CNOT6L: variants seen among roughly 807,000 people sequenced by gnomAD.
CNOT6L encodes the protein CCR4-NOT transcription complex subunit 6 like.
CNOT6L carries 7 observed loss-of-function variants against 64.0 expected under a neutral mutation model. That is an observed-to-expected ratio of 0.11 (90% CI 0.06 to 0.21). The LOEUF is 0.21. CNOT6L is among the 10% of genes least tolerant of loss of function. The pLI, the probability that CNOT6L is intolerant of heterozygous loss-of-function variation, is 1.00. For missense variants in CNOT6L, 245 were observed against 669.0 expected (o/e 0.37, Z 6.99); for synonymous variants, 193 against 243.4 (o/e 0.79, Z 1.93).
At chr4:77,778,823 T>TTACAAGGTCAGGAGA (rs1180325142) in intron 1 of CNOT6L, among the ~76,000 whole-genome samples, 2 of 150,966 alleles carry the variant, frequency 1.3e-5, no homozygotes, top group East Asian at 4.0e-4. Context: ...GGCGGGCTGA[T>TTACAAGGTCAGGAGA]TACAAGGTCA....
chr4:77,789,794 T>A (rs1436373602), intron 1 of CNOT6L, among the ~76,000 whole-genome samples: 1 of 151,636 alleles, frequency 6.6e-6, no homozygotes, highest in East Asian at 1.9e-4. Context: ...CTACAAAAAA[T>A]ACAAAAATTA....
chr4:77,761,110 C>T (rs1246097873), intron 4 of CNOT6L, among the ~76,000 whole-genome samples: 2 of 151,802 alleles, frequency 1.3e-5, no homozygotes, highest in African/African-American at 2.4e-5. Context: ...TACCAAAGCT[C>T]ACTCAAAATG....
Position 77,773,120 on chromosome 4 carries a change from G to T in CNOT6L, c.361C>A (p.Leu121Ile). 1 of 1,599,118 alleles carries T rather than the reference G, an allele frequency of 6.3e-7. No individual in the cohort carries two copies. Among genetic ancestry groups the T allele is most frequent in the Non-Finnish European group, 8.5e-7 (1 of 1,175,644 alleles). ...GTTTGTAGCTGGAAGAGCCGACCAA[G>T]TTCATAAGGCAAAACCCGTAACAGA... is the stretch of plus-strand genomic sequence containing the variant. ...NNLLRVLPYELGRLFQLQTLG... is the reference protein window; with the variant it reads ...NNLLRVLPYEIGRLFQLQTLG... The change falls in exon 4 of 12, where the codon CTT becomes ATT. Residue 121 changes from leucine (L) to isoleucine (I), a missense_variant. Transcript: ENST00000504123.
intron 1 of CNOT6L, among the ~76,000 whole-genome samples, chr4:77,792,335 A>T (rs1239758671): frequency 6.6e-6 from 1 of 152,178 alleles, no homozygotes; most frequent in Non-Finnish European, 1.5e-5. Context: ...AACAATCAGC[A>T]AATTAAAAAA....
chr4:77,812,121 TG>T (rs1733016547), intron 1 of CNOT6L, among the ~76,000 whole-genome samples: 1 of 152,142 alleles, frequency 6.6e-6, no homozygotes, highest in African/African-American at 2.4e-5. Context: ...GATATTTGTA[TG>T]TAGAAAATCT....
intron 1 of CNOT6L, chr4:77,819,076 C>CACA: frequency 3.5e-6 from 1 of 282,484 alleles, no homozygotes; most frequent in Non-Finnish European, 6.2e-6. Flanking sequence ...ACACACACAC[C>CACA]CCGGAACCTT....
intron 1 of CNOT6L, among the ~76,000 whole-genome samples, chr4:77,798,115 C>T (rs1042524237): frequency 1.3e-5 from 2 of 152,000 alleles, no homozygotes; most frequent in Non-Finnish European, 2.9e-5. Flanking sequence ...CACTTGAGAC[C>T]AGGAGTTCAA....
At chr4:77,772,755 T>C (rs1182337823) in intron 4 of CNOT6L, among the ~76,000 whole-genome samples, 2 of 151,952 alleles carry the variant, frequency 1.3e-5, no homozygotes, top group Non-Finnish European at 2.9e-5. Flanking sequence ...ACCCCGTCTC[T>C]ACTAAAAATA....
intron 8 of CNOT6L, 95 bp downstream of exon 8, chr4:77,742,046 C>T (rs1723657464): frequency 8.9e-7 from 1 of 1,124,524 alleles, no homozygotes; most frequent in Admixed American, 2.8e-5. Flanking sequence ...TTCTAGCTTT[C>T]TGTTGATTTT....
chr4:77,797,921 G>A (rs1361626654), intron 1 of CNOT6L, among the ~76,000 whole-genome samples: 6 of 152,146 alleles, frequency 3.9e-5, no homozygotes, highest in Non-Finnish European at 7.3e-5. Context: ...GAAAACCTTG[G>A]TGACTATGAG....
upstream of CNOT6L, chr4:77,819,405 G>C: frequency 2.5e-6 from 4 of 1,604,618 alleles, no homozygotes; most frequent in South Asian, 2.2e-5. Flanking sequence ...GGCCCCCACA[G>C]ATGCTTCCCC....
At chr4:77,760,553 A>G (rs575112293) in intron 4 of CNOT6L, among the ~76,000 whole-genome samples, 1 of 151,656 alleles carries the variant, frequency 6.6e-6, no homozygotes, top group Admixed American at 6.6e-5. Flanking sequence ...AGCAGAAGAA[A>G]TAAGAGCAGA....
rs890923160 is a variant in CNOT6L, at chr4:77,751,692, G to T, written c.491-3308C>A. Among the ~76,000 whole-genome samples the T allele has an allele frequency of 4.6e-5, 7 of 152,252 alleles. No homozygotes were observed. In the East Asian group the frequency reaches 9.7e-4, roughly 21 times the overall value. Reference sequence around the variant, plus strand: ...TAGGACATCAACTCAAATGACACTAGATTTCTTTTAAGAAACCATGAAAGC... The same window carrying T: ...TAGGACATCAACTCAAATGACACTATATTTCTTTTAAGAAACCATGAAAGC... On this transcript the variant is annotated intron_variant, in intron 5 of 11. Transcript: ENST00000504123.
In CNOT6L at chr4:77,779,069, AAAAAC is replaced by A. The variant is rs1560420003; in HGVS notation, c.6-2682_6-2678del. 2.7e-3 allele frequency among the ~76,000 whole-genome samples: 283 copies of A among 106,068 alleles called. 10 individuals are homozygous for A. Among genetic ancestry groups the A allele is most frequent in the Non-Finnish European group, 4.8e-3 (229 of 47,632 alleles). 69.6% of individuals were successfully genotyped at this position (106,068 alleles called of 152,430 possible). On this transcript the variant is annotated intron_variant, in intron 1 of 11. Coordinates refer to ENST00000504123, the MANE Select transcript of CNOT6L (RefSeq NM_144571.3). ...CTCAAAAAAAAAAAAAAAACAAAAA[AAAAAC>A]ACAAAAAACACACAGGCATAGGATT... is the stretch of plus-strand genomic sequence containing the variant.
intron 1 of CNOT6L, among the ~76,000 whole-genome samples, chr4:77,783,322 G>C (rs1307790790): frequency 6.6e-6 from 1 of 152,150 alleles, no homozygotes; most frequent in Admixed American, 6.5e-5. Context: ...CCAAGCACTA[G>C]GGTGCTTCAA....
intron 1 of CNOT6L, among the ~76,000 whole-genome samples, chr4:77,784,498 C>CT (rs1369773895): frequency 7.7e-5 from 9 of 117,236 alleles, no homozygotes; most frequent in South Asian, 2.6e-4. Flanking sequence ...TGAATATAAT[C>CT]TATTTTTTTT....
intron 5 of CNOT6L, among the ~76,000 whole-genome samples, chr4:77,754,079 G>A (rs1725182030): frequency 6.6e-6 from 1 of 152,036 alleles, no homozygotes; most frequent in Admixed American, 6.5e-5. Flanking sequence ...AGAGCAGGTT[G>A]GCAAGAAAAT....
intron 5 of CNOT6L, among the ~76,000 whole-genome samples, chr4:77,749,348 G>A (rs543274336): frequency 5.3e-5 from 8 of 152,234 alleles, no homozygotes; most frequent in Admixed American, 2.0e-4. Context: ...TCAACATACT[G>A]AATCCCAGAA....
intron 8 of CNOT6L, among the ~76,000 whole-genome samples, chr4:77,737,879 A>G (rs1723154701): frequency 6.6e-6 from 1 of 152,152 alleles, no homozygotes; most frequent in South Asian, 2.1e-4. Flanking sequence ...TTACCAGAAG[A>G]GTACAGATCA....
Sources: gnomAD v4.1 joint callset for allele counts (sites outside exome capture counted in the v4.1 genomes callset) on GRCh38, gnomAD v4.1.1 for gene constraint, MANE v1.5 for transcripts, NCBI Gene and HGNC (gene_info 2026-07-23, HGNC 2026-07-21) for gene names.